NEURL4: variants seen among roughly 807,000 people sequenced by gnomAD.
NEURL4 encodes neuralized-like protein 4.
In NEURL4, 45 loss-of-function variants were observed where a neutral mutation model predicts 148.0. That is an observed-to-expected ratio of 0.30 (90% CI 0.24 to 0.39). NEURL4 has a LOEUF of 0.39. Ranked by LOEUF, NEURL4 falls within the 10% of genes least tolerant of loss-of-function variation. NEURL4 has a pLI of 1.00. For synonymous variants in NEURL4, 854 were observed against 869.0 expected (o/e 0.98, Z 0.30); for missense variants, 1,776 against 2,144.0 (o/e 0.83, Z 3.39).
rs777342966 is a variant in NEURL4 at position 7,322,801 on chromosome 17, G to C, written c.2659C>G (p.Pro887Ala). Residue 887 changes from proline (P) to alanine (A), a missense_variant, in exon 16 of 29, where the codon CCC (proline) becomes GCC (alanine). Coordinates refer to ENST00000399464, the MANE Select transcript of NEURL4 (RefSeq NM_032442.3). This position sits in a 1 kb window ranked among gnomAD's most constrained non-coding sequence, Gnocchi z 5.5. Reference sequence around the variant, plus strand: ...CTGGTCGCCAGGCTGTTGTCCATGGGGCCGGTGGCATTGGTGATGGACACT... The same window carrying C: ...CTGGTCGCCAGGCTGTTGTCCATGGCGCCGGTGGCATTGGTGATGGACACT... Reference protein sequence around the residue: ...VQVSITNATGPMDNSLATSNT... With the variant: ...VQVSITNATGAMDNSLATSNT... 3 of 1,614,048 alleles carry C rather than the reference G, an allele frequency of 1.9e-6. No homozygotes were observed. The South Asian group carries it at 3.3e-5, about 18-fold the overall frequency.
chr17:7,327,053 A>G lies in NEURL4; in HGVS notation c.794-44T>C, dbSNP rs1213963046. 1 of 1,602,932 alleles carries G rather than the reference A, an allele frequency of 6.2e-7. No individual in the cohort carries two copies. The highest frequency in any genetic ancestry group is 1.3e-5 in the African/African-American group (1 of 74,810). On this transcript the variant is annotated intron_variant, in intron 3 of 28. Transcript: ENST00000399464. The surrounding 1 kb of genome is among the most constrained non-coding windows in gnomAD (Gnocchi z 6.6). ...AGAAGGAAGCTCGGAAGTTGGGATG[A>G]GGCTCTACACCCCCAGACCTGGTGC...
rs1597630801 is a variant in NEURL4, at chr17:7,319,035, C to T, written c.3684+15G>A. On this transcript the variant is annotated intron_variant, in intron 22 of 28. Coordinates refer to ENST00000399464, the MANE Select transcript of NEURL4 (RefSeq NM_032442.3). The stretch of plus-strand genomic sequence containing the variant: ...ACAGGCCTGGTCCTGTTCCTTCTCT[C>T]TGGCTCCTACTCACCTTGAGACCGT... 2 of 1,598,948 alleles carry T rather than the reference C, an allele frequency of 1.3e-6. No individual in the cohort carries two copies. The highest frequency in any genetic ancestry group is 4.5e-5 in the East Asian group (2 of 44,724).
Position 7,326,745 on chromosome 17 carries a change from G to C in NEURL4, c.1058C>G (p.Thr353Ser). ...CTCATTGTCCCGAAGGGGGCGATTG[G>C]TCATGACAACCCCATTGTTGAATTC... ...LDEFNNGVVM[T>S]NRPLRDNEMF... The change falls in exon 4 of 29, where the codon ACC becomes AGC. Residue 353 changes from threonine to serine, a missense_variant. Coordinates refer to ENST00000399464, the MANE Select transcript of NEURL4 (RefSeq NM_032442.3). The surrounding 1 kb of genome is among the most constrained non-coding windows in gnomAD (Gnocchi z 6.0). 1.2e-6 allele frequency: 2 copies of C among 1,612,690 alleles called. No individual in the cohort carries two copies. Among genetic ancestry groups the C allele is most frequent in the Non-Finnish European group, 1.7e-6 (2 of 1,179,652 alleles).
Position 7,319,734 on chromosome 17 carries a change from AAC to A in NEURL4, c.3526-528_3526-527del, listed in dbSNP as rs1422401807. 4.9e-3 allele frequency among the ~76,000 whole-genome samples: 739 copies of A among 151,966 alleles called. 7 individuals carry two copies. Among genetic ancestry groups the A allele is most frequent in the African/African-American group, 0.017 (690 of 41,488 alleles). On this transcript the variant is annotated intron_variant, in intron 21 of 28. Coordinates refer to ENST00000399464, the MANE Select transcript of NEURL4 (RefSeq NM_032442.3). ...CAAAAAAACAAAAAAACAAAAAAAAAACATGCTGTTTGAGCCTTGACCTTGCT... is the reference window on the plus strand; with the variant it reads ...CAAAAAAACAAAAAAACAAAAAAAAAATGCTGTTTGAGCCTTGACCTTGCT...
chr17:7,320,725 C>G, intron 21 of NEURL4, 34 bp downstream of exon 21: 1 of 1,592,960 alleles, frequency 6.3e-7, no homozygotes, highest in East Asian at 2.2e-5. Flanking sequence ...CACTGTGGAG[C>G]GAGAGAAGCT....
At position 7,323,851 on chromosome 17, in the gene NEURL4, G is replaced by A. The variant is rs770040214; in HGVS notation, c.2224C>T (p.Arg742Cys). Residue 742 changes from arginine to cysteine, a missense_variant, in exon 12 of 29, where the codon CGC (arginine) becomes TGC (cysteine). Arg to Cys is a radical substitution (Grantham distance 180). Transcript: ENST00000399464. Reference protein sequence around the residue: ...GGRTALRHNCRSEFNDAIVIS... With the variant: ...GGRTALRHNCCSEFNDAIVIS... ...ACGATGGCGTCATTAAACTCGCTGCGACAGTTGTGGCGGAGGGCGGTGCGG... is the reference window on the plus strand; with the variant it reads ...ACGATGGCGTCATTAAACTCGCTGCAACAGTTGTGGCGGAGGGCGGTGCGG... The A allele has an allele frequency of 3.1e-6, 5 of 1,614,124 alleles. No homozygotes were observed. Among genetic ancestry groups the A allele is most frequent in the African/African-American group, 1.3e-5 (1 of 75,066 alleles).
intron 14 of NEURL4, 40 bp from the exon 15 acceptor site, chr17:7,323,163 T>G (rs2073055294): frequency 6.3e-7 from 1 of 1,594,032 alleles, no homozygotes; most frequent in Admixed American, 1.7e-5. Flanking sequence ...CCTGCCAACT[T>G]CAACTTCACA....
In NEURL4 at chr17:7,322,055, G is replaced by T. The variant is rs758192138; in HGVS notation, c.2726-45C>A. ...GTAGAAGGGGTAGGATTGGGGCAGC[G>T]AGCTTCAGGCAGAACACAGAGCAAA... On this transcript the variant is annotated intron_variant, in intron 16 of 28. Transcript: ENST00000399464. This position sits in a 1 kb window ranked among gnomAD's most constrained non-coding sequence, Gnocchi z 5.5. 6 of 1,546,554 alleles carry T rather than the reference G, an allele frequency of 3.9e-6. No individual in the cohort carries two copies. In the African/African-American group the frequency reaches 8.2e-5, roughly 21 times the overall value.
chr17:7,323,874 C>T lies in NEURL4; in HGVS notation c.2201G>A (p.Arg734His), dbSNP rs369409333. 4.4e-5 allele frequency: 71 copies of T among 1,613,788 alleles called. No individual in the cohort carries two copies. The highest frequency in any genetic ancestry group is 1.7e-4 in the African/African-American group (13 of 74,924). ...GCGACAGTTGTGGCGGAGGGCGGTG[C>T]GGCCCCCGTTAGTGATGACTGCGTT... is the stretch of plus-strand genomic sequence containing the variant. ...GSNAVITNGGRTALRHNCRSE... is the reference protein window; with the variant it reads ...GSNAVITNGGHTALRHNCRSE... Residue 734 changes from arginine (R) to histidine (H), a missense_variant, in exon 12 of 29, where the codon CGC becomes CAC. Arg to His is a conservative substitution (Grantham distance 29). Coordinates refer to ENST00000399464, the MANE Select transcript of NEURL4 (RefSeq NM_032442.3).
chr17:7,323,791 GA>G (rs747149647), intron 12 of NEURL4, 22 bp downstream of exon 12: 10 of 1,614,046 alleles, frequency 6.2e-6, no homozygotes, highest in Non-Finnish European at 7.6e-6. Context: ...GGAAGGTGGG[GA>G]CATGAAAGTT....
At position 7,322,196 on chromosome 17, in the gene NEURL4, C is replaced by T. The variant is rs1413867480; in HGVS notation, c.2726-186G>A. 6.6e-6 allele frequency among the ~76,000 whole-genome samples: 1 copy of T among 152,174 alleles called. No individual in the cohort carries two copies. The highest frequency in any genetic ancestry group is 1.5e-5 in the Non-Finnish European group (1 of 68,030). ...TTGTTGAGGCAGAGTCTCGCTCTGT[C>T]ACTCAGGCTGGAGTGCAGGGGCACA... On this transcript the variant is annotated intron_variant, in intron 16 of 28. Transcript: ENST00000399464. The surrounding 1 kb of genome is among the most constrained non-coding windows in gnomAD (Gnocchi z 5.5).
At chr17:7,316,863 A>C (rs1012315978) in intron 28 of NEURL4, among the ~76,000 whole-genome samples, 1 of 152,158 alleles carries the variant, frequency 6.6e-6, no homozygotes, top group Non-Finnish European at 1.5e-5. Context: ...TGGAGGTTGC[A>C]GTGAGATCAC....
At position 7,327,594 on chromosome 17, in the gene NEURL4, G is replaced by A. The variant is rs753459898; in HGVS notation, c.573C>T (p.Ala191=). Residue 191 remains alanine (A), a synonymous_variant, in exon 2 of 29, where the codon GCC becomes GCT. Transcript: ENST00000399464. This position sits in a 1 kb window ranked among gnomAD's most constrained non-coding sequence, Gnocchi z 6.6. The part of the protein sequence containing the change: ...AATGLPPRVW[A]VVDLYGKCTQ... ...TGCACTTGCCATAAAGGTCCACGAC[G>A]GCCCAGACACGAGGGGGCAGGCCTG... The A allele has an allele frequency of 1.1e-5, 18 of 1,612,170 alleles. No homozygotes were observed. The East Asian group carries it at 2.9e-4, about 26-fold the overall frequency.
In NEURL4 at chr17:7,317,888, C is replaced by T. The variant is rs2072972123; in HGVS notation, c.4105G>A (p.Glu1369Lys). The T allele has an allele frequency of 6.2e-7, 1 of 1,614,210 alleles. No homozygotes were observed. ...TCTCCTCGCAGCTTCCGGCAAGACT[C>T]ACAGTAGCACAGGCTTCGCTTTGGC... ...PPPKRSLCYC[E>K]SCRKLRGDEA... Residue 1369 changes from glutamate to lysine, a missense_variant, in exon 26 of 29, where the codon GAG (glutamate) becomes AAG (lysine). By Grantham distance (56) the Glu-to-Lys change is moderately conservative. Coordinates refer to ENST00000399464, the MANE Select transcript of NEURL4 (RefSeq NM_032442.3).
Position 7,318,591 on chromosome 17 carries a change from C to T in NEURL4, c.3768G>A (p.Leu1256=), listed in dbSNP as rs374233802. 30 of 1,613,968 alleles carry T rather than the reference C, an allele frequency of 1.9e-5. No individual in the cohort carries two copies. Among genetic ancestry groups the T allele is most frequent in the Non-Finnish European group, 2.5e-5 (29 of 1,179,992 alleles). The part of the protein sequence containing the change: ...LGLRLDSSGG[L]HLHVNGVDQG... The stretch of plus-strand genomic sequence containing the variant: ...GGTCCACCCCATTAACATGAAGATG[C>T]AGCCCCCCAGAGCTGTCCAGCCGCA... Residue 1256 remains leucine, a synonymous_variant, in exon 23 of 29, where the codon CTG becomes CTA. Coordinates refer to ENST00000399464, the MANE Select transcript of NEURL4 (RefSeq NM_032442.3). This position sits in a 1 kb window ranked among gnomAD's most constrained non-coding sequence, Gnocchi z 4.3.
In NEURL4 at chr17:7,317,222, G is replaced by T; in HGVS notation, c.4467C>A (p.Thr1489=). ...SPSLQYAGAE[T]LASKVQFRDP... is the part of the protein sequence containing the mutation. ...GTACTCACTGCACTTTGGAGGCCAG[G>T]GTCTCCGCCCCAGCATATTGAAGGG... The change falls in exon 28 of 29, where the codon ACC becomes ACA. Residue 1489 remains threonine (T), a synonymous_variant. Coordinates refer to ENST00000399464, the MANE Select transcript of NEURL4 (RefSeq NM_032442.3). 1 of 1,512,934 alleles carries T rather than the reference G, an allele frequency of 6.6e-7. No individual in the cohort carries two copies. Among genetic ancestry groups the T allele is most frequent in the Non-Finnish European group, 8.8e-7 (1 of 1,133,548 alleles). 93.7% of individuals were successfully genotyped at this position (1,512,934 alleles called of 1,614,324 possible). A position where few individuals can be genotyped will look rare whatever the true frequency, so the allele number is the denominator to read the frequency against.
Position 7,318,060 on chromosome 17 carries a change from CTCACCGGGA to C in NEURL4, c.4056_4060+4del. ...AAGTCAGTTCTGGCGGACTGTGGGA[CTCACCGGGA>C]AGCAGCAGGAGTTCTTGGAAGCGAG... is the stretch of plus-strand genomic sequence containing the variant. On this transcript the variant is annotated splice_donor_variant and splice_donor_region_variant and coding_sequence_variant and intron_variant, in exon 25 of 29. Coordinates refer to ENST00000399464, the MANE Select transcript of NEURL4 (RefSeq NM_032442.3). LOFTEE classifies it high-confidence loss of function. This position sits in a 1 kb window ranked among gnomAD's most constrained non-coding sequence, Gnocchi z 4.3. The C allele has an allele frequency of 1.2e-6, 2 of 1,614,040 alleles. No homozygotes were observed. Among genetic ancestry groups the C allele is most frequent in the Non-Finnish European group, 1.7e-6 (2 of 1,179,890 alleles).
intron 21 of NEURL4, 24 bp from the exon 22 acceptor site, chr17:7,319,232 T>C (rs762026680): frequency 4.4e-6 from 7 of 1,593,138 alleles, no homozygotes; most frequent in Admixed American, 3.4e-5. Flanking sequence ...AACTACTCCA[T>C]AATCACAGCC....
rs371627794 is a variant in NEURL4 at position 7,316,346 on chromosome 17, T to C, written c.4485-19A>G. The C allele has an allele frequency of 6.2e-7, 1 of 1,606,036 alleles. No homozygotes were observed. Reference sequence around the variant, plus strand: ...CCGGAATCTGTCAGACAAGAAAAAATAAGGGAGTGAAGCCTCTCGCCCCAT... The same window carrying C: ...CCGGAATCTGTCAGACAAGAAAAAACAAGGGAGTGAAGCCTCTCGCCCCAT... On this transcript the variant is annotated intron_variant, in intron 28 of 28. Transcript: ENST00000399464.
Sources: gnomAD v4.1 joint callset for allele counts (sites outside exome capture counted in the v4.1 genomes callset) on GRCh38, gnomAD v4.1.1 for gene constraint, Gnocchi (gnomAD v3.1) non-coding constraint, MANE v1.5 for transcripts, NCBI Gene and HGNC (gene_info 2026-07-23, HGNC 2026-07-21) for gene names.